THOC5: variants seen among roughly 807,000 people sequenced by gnomAD.
The protein encoded by THOC5 is Fms-interacting protein.
A neutral mutation model predicts 92.9 loss-of-function variants in THOC5; 43 were observed. That is an observed-to-expected ratio of 0.46 (90% CI 0.36 to 0.60). The LOEUF (loss-of-function observed/expected upper bound fraction) is 0.60. Among genes scored for constraint, THOC5 ranks in the 20% least tolerant of loss-of-function variants. The pLI, the probability that THOC5 is intolerant of heterozygous loss-of-function variation, is 0.00. For synonymous variants in THOC5, 296 were observed against 320.1 expected (o/e 0.92, Z 0.80); for missense variants, 659 against 849.4 (o/e 0.78, Z 2.79).
chr22:29,527,148 G>A (rs2063560195), intron 11 of THOC5, among the ~76,000 whole-genome samples: 1 of 152,160 alleles, frequency 6.6e-6, no homozygotes, highest in Non-Finnish European at 1.5e-5. Flanking sequence ...AGCCAGCCAT[G>A]GTGGTGCACG....
At chr22:29,532,988 A>G (rs1173445461) in intron 7 of THOC5, among the ~76,000 whole-genome samples, 1 of 152,224 alleles carries the variant, frequency 6.6e-6, no homozygotes, top group Non-Finnish European at 1.5e-5. Context: ...AAAATAAAAC[A>G]AAATAAAATA....
chr22:29,528,790 T>C (rs1179818822), intron 9 of THOC5: 1 of 502,898 alleles, frequency 2.0e-6, no homozygotes, highest in Admixed American at 3.6e-5. Context: ...AGTAGAAGCA[T>C]GCATAACTTG....
chr22:29,541,691 C>G (rs1445833214), intron 5 of THOC5, among the ~76,000 whole-genome samples: 1 of 149,268 alleles, frequency 6.7e-6, no homozygotes, highest in Non-Finnish European at 1.5e-5. Flanking sequence ...GAAACCCTGT[C>G]TCTACTAAAA....
At chr22:29,523,445 A>AC (rs1455967111) in intron 12 of THOC5, among the ~76,000 whole-genome samples, 1 of 152,044 alleles carries the variant, frequency 6.6e-6, no homozygotes, top group Non-Finnish European at 1.5e-5. Flanking sequence ...CCACCCCACC[A>AC]CCACAAAAAA....
At chr22:29,528,391 T>G in intron 10 of THOC5, 35 bp downstream of exon 10, 1 of 1,614,086 alleles carries the variant, frequency 6.2e-7, no homozygotes, top group Non-Finnish European at 8.5e-7. Flanking sequence ...TGCATGCAGC[T>G]GCTTGATGCC....
chr22:29,528,404 C>A (rs750274752), intron 10 of THOC5, 22 bp downstream of exon 10: 1 of 1,614,036 alleles, frequency 6.2e-7, no homozygotes, highest in Non-Finnish European at 8.5e-7. Flanking sequence ...TTGATGCCCC[C>A]ACAAGAGGAA....
chr22:29,531,534 G>T, intron 8 of THOC5: 1 of 1,129,700 alleles, frequency 8.9e-7, no homozygotes, highest in Non-Finnish European at 1.1e-6. Context: ...TGCCTTGATG[G>T]GGTGAGCACC....
intron 8 of THOC5, among the ~76,000 whole-genome samples, chr22:29,529,484 C>T (rs943477168): frequency 6.6e-6 from 1 of 152,192 alleles, no homozygotes; most frequent in Non-Finnish European, 1.5e-5. Context: ...TCACCTGAAA[C>T]TAGCAGTGAA....
In THOC5 at chr22:29,528,202, G is replaced by A. The variant is rs761043852; in HGVS notation, c.967-25C>T. ...TCTGGACAAAGGAAAGTGCCAAGCT[G>A]ATGAGCATCAGTCATAGCAATCTCC... On this transcript the variant is annotated intron_variant, in intron 10 of 19. Coordinates refer to ENST00000490103, the MANE Select transcript of THOC5 (RefSeq NM_003678.5). 5.6e-6 allele frequency: 9 copies of A among 1,614,110 alleles called. No individual in the cohort carries two copies. The East Asian group carries it at 1.8e-4, about 32-fold the overall frequency.
At chr22:29,533,107 A>G (rs1412343540) in intron 7 of THOC5, among the ~76,000 whole-genome samples, 1 of 152,268 alleles carries the variant, frequency 6.6e-6, no homozygotes, top group African/African-American at 2.4e-5. Context: ...AATATTGTCC[A>G]GGTAACAATT....
At chr22:29,522,074 G>A (rs1323388837) in intron 12 of THOC5, among the ~76,000 whole-genome samples, 3 of 152,196 alleles carry the variant, frequency 2.0e-5, no homozygotes, top group Admixed American at 2.0e-4. Context: ...TTTCAGGCCA[G>A]GCACAGTGGC....
chr22:29,528,205 G>A (rs766723790), intron 10 of THOC5, 28 bp from the exon 11 acceptor site: 8 of 1,614,110 alleles, frequency 5.0e-6, no homozygotes, highest in Middle Eastern at 1.6e-4. Flanking sequence ...CCAAGCTGAT[G>A]AGCATCAGTC....
At chr22:29,516,968 G>C in intron 17 of THOC5, 61 bp downstream of exon 17, 1 of 1,538,602 alleles carries the variant, frequency 6.5e-7, no homozygotes, top group Non-Finnish European at 9.0e-7. Flanking sequence ...CAGCCCCGGA[G>C]AGTGTTTGAT....
At chr22:29,536,584 G>A (rs981987020) in intron 7 of THOC5, 40 bp downstream of exon 7, 4 of 1,222,812 alleles carry the variant, frequency 3.3e-6, no homozygotes, top group Non-Finnish European at 4.9e-6. Flanking sequence ...GCAGCGCCTG[G>A]TCAGTGGTGA....
chr22:29,532,046 A>G, intron 7 of THOC5, 83 bp from the exon 8 acceptor site: 2 of 1,514,960 alleles, frequency 1.3e-6, no homozygotes, highest in African/African-American at 2.8e-5. Context: ...ACCGTAAATC[A>G]TTATTTATAA....
intron 17 of THOC5, among the ~76,000 whole-genome samples, chr22:29,513,216 G>C (rs2063259558): frequency 1.3e-5 from 2 of 152,072 alleles, no homozygotes; most frequent in Admixed American, 6.6e-5. Flanking sequence ...TGGGCGTGGT[G>C]GTGGGCGACT....
intron 8 of THOC5, among the ~76,000 whole-genome samples, chr22:29,530,670 T>G (rs2063635264): frequency 6.6e-6 from 1 of 152,172 alleles, no homozygotes; most frequent in African/African-American, 2.4e-5. Context: ...CTGTTCAACT[T>G]AAGCTTGGCC....
chr22:29,529,863 C>A (rs959247722), intron 8 of THOC5, among the ~76,000 whole-genome samples: 1 of 152,196 alleles, frequency 6.6e-6, no homozygotes, highest in African/African-American at 2.4e-5. Context: ...TAGTAGCTGC[C>A]GGGTGCAGTG....
intron 17 of THOC5, among the ~76,000 whole-genome samples, chr22:29,516,616 C>T (rs1412788555): frequency 6.6e-6 from 1 of 152,214 alleles, no homozygotes; most frequent in African/African-American, 2.4e-5. Context: ...GCAGGGACTG[C>T]AGAAGAGGGA....
Sources: allele counts gnomAD v4.1 joint callset (sites outside exome capture counted in the v4.1 genomes callset), GRCh38; gene constraint gnomAD v4.1.1; transcripts MANE v1.5; gene names NCBI Gene and HGNC (gene_info 2026-07-23, HGNC 2026-07-21).